The following CACNA2D3 variants were observed in gnomAD, a reference collection of about 807,000 sequenced individuals.
The protein encoded by CACNA2D3 is voltage-dependent calcium channel subunit alpha-2/delta-3.
Under a neutral mutation model 160.6 loss-of-function variants are expected in CACNA2D3, and 60 were observed. That is an observed-to-expected ratio of 0.37 (90% confidence interval 0.30 to 0.46). CACNA2D3 has a LOEUF of 0.46. Among genes scored for constraint, CACNA2D3 ranks in the 20% least tolerant of loss-of-function variants. The probability of loss-of-function intolerance (pLI) is 1.00; values close to 1 mark genes in which losing one functional copy is unlikely to be tolerated. For synonymous variants in CACNA2D3, 558 were observed against 492.9 expected (o/e 1.13, Z -1.75); for missense variants, 1,205 against 1,365.0 (o/e 0.88, Z 1.85).
intron 9 of CACNA2D3, among the ~76,000 whole-genome samples, chr3:54,601,010 C>T (rs11705800): frequency 0.26 from 39,017 of 152,044 alleles, 6,045 homozygotes; most frequent in Admixed American, 0.42. Flanking sequence ...CGGAATTGCA[C>T]GATCCAGAGT....
intron 4 of CACNA2D3, among the ~76,000 whole-genome samples, chr3:54,497,699 A>C (rs918523404): frequency 6.6e-6 from 1 of 152,046 alleles, no homozygotes; most frequent in Non-Finnish European, 1.5e-5. Context: ...GAAAACATTC[A>C]GTGCTTCTTC....
At chr3:54,237,529 T>G (rs959332199) in intron 2 of CACNA2D3, among the ~76,000 whole-genome samples, 3 of 152,186 alleles carry the variant, frequency 2.0e-5, no homozygotes, top group Non-Finnish European at 2.9e-5. Flanking sequence ...TTTTATAGAT[T>G]TACACGGTAA....
intron 13 of CACNA2D3, among the ~76,000 whole-genome samples, chr3:54,801,749 C>T (rs538060899): frequency 6.6e-6 from 1 of 152,042 alleles, no homozygotes; most frequent in South Asian, 2.1e-4. Context: ...ATATGTGTTG[C>T]CAAGAAGGGT....
chr3:55,052,237 T>G (rs1704242046), intron 35 of CACNA2D3, among the ~76,000 whole-genome samples: 1 of 152,186 alleles, frequency 6.6e-6, no homozygotes, highest in African/African-American at 2.4e-5. Context: ...ATTTGAGGGT[T>G]TTCCGGAAAC....
intron 4 of CACNA2D3, among the ~76,000 whole-genome samples, chr3:54,492,408 G>T (rs1029363665): frequency 1.3e-5 from 2 of 152,156 alleles, no homozygotes; most frequent in African/African-American, 4.8e-5. Context: ...CAGAAGCTGT[G>T]CAACGATAGG....
At chr3:55,012,758 A>G (rs146223106) in intron 34 of CACNA2D3, among the ~76,000 whole-genome samples, 5 of 152,208 alleles carry the variant, frequency 3.3e-5, no homozygotes, top group Middle Eastern at 3.4e-3. Flanking sequence ...ACAAAGAAAT[A>G]TCCCACTCAA....
chr3:54,578,970 G>C (rs917951376), intron 8 of CACNA2D3, among the ~76,000 whole-genome samples: 16 of 152,204 alleles, frequency 1.1e-4, no homozygotes, highest in African/African-American at 3.6e-4. Flanking sequence ...TCTGGGATCA[G>C]AGAGGCTTAG....
In CACNA2D3 at chr3:54,740,416, C is replaced by T. The variant is rs114933136; in HGVS notation, c.1168-12183C>T. ...AGGCTACTGCTCACTGAAGTCCTAC[C>T]GGCAGCTTCCTACAGTAGGGTCTTC... On this transcript the variant is annotated intron_variant, in intron 11 of 37. Coordinates refer to ENST00000474759, the MANE Select transcript of CACNA2D3 (RefSeq NM_018398.3). 8.2e-3 allele frequency among the ~76,000 whole-genome samples: 1,248 copies of T among 152,184 alleles called. 34 individuals carry two copies. The highest frequency in any genetic ancestry group is 0.028 in the African/African-American group (1,174 of 41,524).
At chr3:54,811,455 TC>T (rs1468481967) in intron 13 of CACNA2D3, among the ~76,000 whole-genome samples, 1 of 145,936 alleles carries the variant, frequency 6.9e-6, no homozygotes, top group Non-Finnish European at 1.5e-5. Context: ...GATCCTGTTC[TC>T]CCTCAGTTCT....
At chr3:54,713,742 G>A (rs946466446) in intron 11 of CACNA2D3, among the ~76,000 whole-genome samples, 1 of 152,204 alleles carries the variant, frequency 6.6e-6, no homozygotes, top group Non-Finnish European at 1.5e-5. Flanking sequence ...GGGTCTCATT[G>A]CAAATAATTA....
Position 54,642,152 on chromosome 3 carries a change from A to T in CACNA2D3, c.1078A>T (p.Ile360Phe). ...GTTCAACCACACGGGACAAGGAAGT[A>T]TCTGCAGTCAGGCCATCATGCTCAT... Reference protein sequence around the residue: ...SDFNHTGQGSICSQAIMLITD... With the variant: ...SDFNHTGQGSFCSQAIMLITD... The change falls in exon 11 of 38, where the codon ATC (isoleucine) becomes TTC (phenylalanine). Residue 360 changes from isoleucine (I) to phenylalanine (F), a missense_variant. This residue lies in a region of CACNA2D3 where 911 missense variants were observed against 1,002.2 expected (regional missense o/e 0.91). Transcript: ENST00000474759. 6.2e-7 allele frequency: 1 copy of T among 1,612,930 alleles called. No homozygotes were observed. The highest frequency in any genetic ancestry group is 1.6e-4 in the Middle Eastern group (1 of 6,062).
intron 4 of CACNA2D3, among the ~76,000 whole-genome samples, chr3:54,464,372 C>T (rs1008074718): frequency 1.3e-5 from 2 of 152,306 alleles, no homozygotes; most frequent in African/African-American, 2.4e-5. Context: ...GCCCTGCCCC[C>T]AGAGGTGGAG....
chr3:54,660,579 C>T (rs1445758285), intron 11 of CACNA2D3, among the ~76,000 whole-genome samples: 2 of 152,210 alleles, frequency 1.3e-5, no homozygotes, highest in Non-Finnish European at 2.9e-5. Flanking sequence ...TACATTCTCT[C>T]TTCAAACATC....
chr3:54,497,342 C>G (rs537049874), intron 4 of CACNA2D3, among the ~76,000 whole-genome samples: 1 of 152,056 alleles, frequency 6.6e-6, no homozygotes, highest in South Asian at 2.1e-4. Flanking sequence ...TTAATATACA[C>G]CTATTATAGT....
rs140014579 is a variant in CACNA2D3, at chr3:54,250,042, G to C, written c.205-70400G>C. Among the ~76,000 whole-genome samples the C allele has an allele frequency of 1.6e-4, 25 of 152,220 alleles. No individual in the cohort carries two copies. The East Asian group carries it at 1.9e-3, about 12-fold the overall frequency. On this transcript the variant is annotated intron_variant, in intron 2 of 37. Transcript: ENST00000474759. ...TTCTCTGAATCATTATGTGCTTTTC[G>C]TGTGAAGTCTGATAGACTTGATGGA... is the stretch of plus-strand genomic sequence containing the variant.
chr3:54,850,827 A>G (rs920233443), intron 17 of CACNA2D3, among the ~76,000 whole-genome samples: 4 of 152,354 alleles, frequency 2.6e-5, no homozygotes, highest in African/African-American at 9.6e-5. Flanking sequence ...ATGAGGAAGG[A>G]TGCTGTAGGG....
chr3:54,410,214 C>T (rs1241681701), intron 4 of CACNA2D3, among the ~76,000 whole-genome samples: 3 of 151,996 alleles, frequency 2.0e-5, no homozygotes, highest in African/African-American at 4.8e-5. Flanking sequence ...AATAGCCAGG[C>T]GTGGTGGCTT....
At chr3:55,056,531 A>T (rs1328570495) in intron 35 of CACNA2D3, among the ~76,000 whole-genome samples, 1 of 152,226 alleles carries the variant, frequency 6.6e-6, no homozygotes, top group East Asian at 1.9e-4. Flanking sequence ...ACTTTTCATA[A>T]TAGCTAAGTT....
chr3:54,545,656 A>G (rs373534144), intron 5 of CACNA2D3, among the ~76,000 whole-genome samples: 3 of 152,256 alleles, frequency 2.0e-5, no homozygotes, highest in African/African-American at 7.2e-5. Flanking sequence ...CTTGTACAAC[A>G]ATATGGTATG....
Sources: gnomAD v4.1 joint callset for allele counts (sites outside exome capture counted in the v4.1 genomes callset) on GRCh38, gnomAD v4.1.1 for gene constraint, gnomAD v4.1.1 regional missense constraint, MANE v1.5 for transcripts, NCBI Gene and HGNC (gene_info 2026-07-23, HGNC 2026-07-21) for gene names.